SREK1: variants seen among roughly 807,000 people sequenced by gnomAD.
The protein encoded by SREK1 is splicing regulatory glutamine/lysine-rich protein 1.
Under a neutral mutation model 66.5 loss-of-function variants are expected in SREK1, and 13 were observed. That is an observed-to-expected ratio of 0.20 (90% CI 0.13 to 0.31). The LOEUF is 0.31. Among genes scored for constraint, SREK1 ranks in the 10% least tolerant of loss-of-function variants. SREK1 has a pLI of 1.00. For synonymous variants in SREK1, 265 were observed against 263.5 expected (o/e 1.01, Z -0.05); for missense variants, 607 against 769.6 (o/e 0.79, Z 2.50).
Position 66,181,194 on chromosome 5 carries a change from C to T in SREK1, c.*2326C>T, listed in dbSNP as rs896053031. On this transcript the variant is annotated 3_prime_UTR_variant, in exon 12 of 12. Coordinates refer to ENST00000334121, the MANE Select transcript of SREK1 (RefSeq NM_001077199.3). Reference sequence around the variant, plus strand: ...AAGAATGAGTAGGAATACAAGAGATCTGGAGGAACAAATCAGATTGTTATT... The same window carrying T: ...AAGAATGAGTAGGAATACAAGAGATTTGGAGGAACAAATCAGATTGTTATT... The T allele has an allele frequency of 9.9e-5, 15 of 152,172 alleles. No homozygotes were observed. The highest frequency in any genetic ancestry group is 3.2e-3 in the Middle Eastern group (1 of 316). The allele number at this position is 152,172 out of a possible 1,614,324, so 9.4% of individuals were successfully genotyped here. A position where few individuals can be genotyped will look rare whatever the true frequency, so the allele number is the denominator to read the frequency against.
chr5:66,176,551 A>G (rs1173760923), intron 10 of SREK1, among the ~76,000 whole-genome samples: 2 of 152,150 alleles, frequency 1.3e-5, no homozygotes, highest in Non-Finnish European at 2.9e-5. Context: ...ATAAAGATTC[A>G]TGATGACAAG....
intron 5 of SREK1, 134 bp from the exon 6 acceptor site, chr5:66,163,658 G>T: frequency 1.2e-6 from 1 of 838,320 alleles, no homozygotes; most frequent in Non-Finnish European, 1.7e-6. Flanking sequence ...GGTTGCTTTT[G>T]GTTATTCTGT....
chr5:66,182,175 C>G lies in SREK1; in HGVS notation c.*3307C>G, dbSNP rs1746554580. ...CCTTTGGAGGGATGGCATTGAATAA[C>G]TTATAATTTCAGTGAATCATTTACG... On this transcript the variant is annotated 3_prime_UTR_variant, in exon 12 of 12. Transcript: ENST00000334121. 1 of 151,844 alleles carries G rather than the reference C, an allele frequency of 6.6e-6. No homozygotes were observed. The highest frequency in any genetic ancestry group is 1.5e-5 in the Non-Finnish European group (1 of 67,982). 9.4% of individuals were successfully genotyped at this position (151,844 alleles called of 1,614,324 possible).
chr5:66,153,889 T>A (rs558422828), intron 2 of SREK1: 273 of 311,930 alleles, frequency 8.8e-4, no homozygotes, highest in African/African-American at 5.7e-3. Context: ...AAATAATTGA[T>A]ATGGGAAATT....
intron 7 of SREK1, chr5:66,169,394 G>C (rs1745441504): frequency 6.6e-6 from 1 of 152,134 alleles, no homozygotes; most frequent in Non-Finnish European, 1.5e-5. Flanking sequence ...TCAGTTGTGT[G>C]TTTGGGATGC....
chr5:66,145,756 G>C (rs1031928413), intron 1 of SREK1, among the ~76,000 whole-genome samples: 1 of 148,336 alleles, frequency 6.7e-6, no homozygotes, highest in South Asian at 2.2e-4. Flanking sequence ...TTTTAATAAT[G>C]CTTTTTTGTC....
intron 10 of SREK1, among the ~76,000 whole-genome samples, chr5:66,175,505 T>A (rs1745987581): frequency 6.6e-6 from 1 of 152,090 alleles, no homozygotes; most frequent in African/African-American, 2.4e-5. Context: ...TAGAAGGGGT[T>A]TTTTGAATTT....
chr5:66,147,840 A>G (rs1321314448), intron 1 of SREK1, among the ~76,000 whole-genome samples: 4 of 152,200 alleles, frequency 2.6e-5, no homozygotes, highest in East Asian at 3.8e-4. Flanking sequence ...ATAATTGTAT[A>G]GTGCTATCAT....
chr5:66,150,845 T>C (rs895035371), intron 1 of SREK1, among the ~76,000 whole-genome samples: 6 of 152,186 alleles, frequency 3.9e-5, no homozygotes, highest in Non-Finnish European at 8.8e-5. Flanking sequence ...TTGACAATTT[T>C]TTTTTTCTTT....
rs1746567652 is a variant in SREK1, at chr5:66,182,337, T to C, written c.*3469T>C. ...TCACTACATATATATTATTTTCTCA[T>C]GTTTATTTACTAATGTAATTTTCAC... is the stretch of plus-strand genomic sequence containing the variant. On this transcript the variant is annotated 3_prime_UTR_variant, in exon 12 of 12. Coordinates refer to ENST00000334121, the MANE Select transcript of SREK1 (RefSeq NM_001077199.3). 1 of 152,194 alleles carries C rather than the reference T, an allele frequency of 6.6e-6. No homozygotes were observed. The highest frequency in any genetic ancestry group is 1.5e-5 in the Non-Finnish European group (1 of 68,036). The allele number at this position is 152,194 out of a possible 1,614,324, so 9.4% of individuals were successfully genotyped here.
Position 66,170,789 on chromosome 5 carries a change from G to A in SREK1, c.1326G>A (p.Glu442=), listed in dbSNP as rs2112078510. 12 of 1,608,036 alleles carry A rather than the reference G, an allele frequency of 7.5e-6. No individual in the cohort carries two copies. Among genetic ancestry groups the A allele is most frequent in the Non-Finnish European group, 1.0e-5 (12 of 1,176,788 alleles). The change falls in exon 9 of 12, where the codon GAG becomes GAA. Residue 442 remains glutamate, a synonymous_variant. Transcript: ENST00000334121. ...AGAGAGAACGGGAAAAAGAGCATGA[G>A]AAGGATCGAGACAAAGAGAAGGAAA... ...DREREREKEH[E]KDRDKEKEKE...
At position 66,181,191 on chromosome 5, in the gene SREK1, G is replaced by A. The variant is rs1746455033; in HGVS notation, c.*2323G>A. 1 of 152,186 alleles carries A rather than the reference G, an allele frequency of 6.6e-6. No homozygotes were observed. The highest frequency in any genetic ancestry group is 1.5e-5 in the Non-Finnish European group (1 of 68,032). The allele number at this position is 152,186 out of a possible 1,614,324, so 9.4% of individuals were successfully genotyped here. On this transcript the variant is annotated 3_prime_UTR_variant, in exon 12 of 12. Transcript: ENST00000334121. ...ACTAAGAATGAGTAGGAATACAAGAGATCTGGAGGAACAAATCAGATTGTT... is the reference window on the plus strand; with the variant it reads ...ACTAAGAATGAGTAGGAATACAAGAAATCTGGAGGAACAAATCAGATTGTT...
intron 2 of SREK1, among the ~76,000 whole-genome samples, chr5:66,155,890 C>T (rs1744246037): frequency 2.0e-5 from 3 of 152,146 alleles, no homozygotes; most frequent in African/African-American, 7.2e-5. Flanking sequence ...TTGTTGCGTG[C>T]ATTTCAGATT....
At chr5:66,151,298 C>G (rs935827926) in intron 1 of SREK1, among the ~76,000 whole-genome samples, 10 of 152,162 alleles carry the variant, frequency 6.6e-5, no homozygotes, top group Non-Finnish European at 1.5e-4. Flanking sequence ...AGAGCTTCTT[C>G]AGAATAGTGA....
At position 66,164,822 on chromosome 5, in the gene SREK1, G is replaced by A. The variant is rs144650470; in HGVS notation, c.926G>A (p.Arg309His). The change falls in exon 7 of 12, where the codon CGT (arginine) becomes CAT (histidine). Residue 309 changes from arginine (R) to histidine (H), a missense_variant. Physicochemically the swap from Arg to His is conservative, Grantham distance 29. Coordinates refer to ENST00000334121, the MANE Select transcript of SREK1 (RefSeq NM_001077199.3). ...KSNERKGGRSRSHTRSKSRSS... is the reference protein window; with the variant it reads ...KSNERKGGRSHSHTRSKSRSS... ...AATGAAAGAAAAGGCGGTCGATCTCGTTCCCATACTCGCTCAAAATCCAGG... is the reference window on the plus strand; with the variant it reads ...AATGAAAGAAAAGGCGGTCGATCTCATTCCCATACTCGCTCAAAATCCAGG... The A allele has an allele frequency of 9.3e-6, 15 of 1,613,898 alleles. No homozygotes were observed. The highest frequency in any genetic ancestry group is 1.6e-4 in the Middle Eastern group (1 of 6,084).
chr5:66,168,284 C>T (rs2112062602), intron 7 of SREK1: 1 of 152,148 alleles, frequency 6.6e-6, no homozygotes, highest in Middle Eastern at 3.4e-3. Context: ...TGTTTAAAAA[C>T]AAAAGATTTT....
chr5:66,150,092 C>T lies in SREK1; in HGVS notation c.162-3371C>T, dbSNP rs1004928990. On this transcript the variant is annotated intron_variant, in intron 1 of 11. Transcript: ENST00000334121. Reference sequence around the variant, plus strand: ...AATAGAGAGAACCTGATTGATTGATCTAGCTCATTTGGTCGAGCCTGACTT... The same window carrying T: ...AATAGAGAGAACCTGATTGATTGATTTAGCTCATTTGGTCGAGCCTGACTT... Among the ~76,000 whole-genome samples, 6 of 152,234 alleles carry T rather than the reference C, an allele frequency of 3.9e-5. No individual in the cohort carries two copies. The East Asian group carries it at 7.7e-4, about 20-fold the overall frequency.
At position 66,164,884 on chromosome 5, in the gene SREK1, C is replaced by A. The variant is rs1194056779; in HGVS notation, c.988C>A (p.Gln330Lys). Residue 330 changes from glutamine to lysine, a missense_variant, in exon 7 of 12, where the codon CAA (glutamine) becomes AAA (lysine). Physicochemically the swap from Gln to Lys is moderately conservative, Grantham distance 53 (BLOSUM62 1). This residue lies in a region of SREK1 where 112 missense variants were observed against 168.6 expected (regional missense o/e 0.66). Transcript: ENST00000334121. ...ATCCCATTCTAGAAGGAAAAGATCA[C>A]AATCAAAACACAGGTGAGAATTTCT... is the stretch of plus-strand genomic sequence containing the variant. ...SKSHSRRKRS[Q>K]SKHRSRSHNR... 6.2e-7 allele frequency: 1 copy of A among 1,613,600 alleles called. No individual in the cohort carries two copies. The highest frequency in any genetic ancestry group is 1.7e-5 in the Admixed American group (1 of 60,004).
intron 2 of SREK1, chr5:66,158,945 T>C (rs1371104757): frequency 1.5e-6 from 2 of 1,317,948 alleles, no homozygotes. Flanking sequence ...GACCCATAGC[T>C]CAAAGTGTTA....
Sources: gnomAD v4.1 joint callset for allele counts (sites outside exome capture counted in the v4.1 genomes callset) on GRCh38, gnomAD v4.1.1 for gene constraint, gnomAD v4.1.1 regional missense constraint, MANE v1.5 for transcripts, NCBI Gene and HGNC (gene_info 2026-07-23, HGNC 2026-07-21) for gene names.